The following SIPA1L3 variants were observed in gnomAD, a reference collection of about 807,000 sequenced individuals.
SIPA1L3 encodes signal-induced proliferation-associated 1-like protein 3.
Under a neutral mutation model 150.1 loss-of-function variants are expected in SIPA1L3, and 59 were observed. The ratio of observed to expected loss-of-function variants is 0.39; its 90% CI spans 0.32 to 0.49. SIPA1L3 has a LOEUF of 0.49. Among genes scored for constraint, SIPA1L3 ranks in the 20% least tolerant of loss-of-function variants. SIPA1L3 has a pLI of 0.86. For missense variants in SIPA1L3, 2,211 were observed against 2,489.5 expected (o/e 0.89, Z 2.38); for synonymous variants, 1,070 against 1,077.6 (o/e 0.99, Z 0.14).
At position 38,026,600 on chromosome 19, in the gene SIPA1L3, T is replaced by C. The variant is rs530981432; in HGVS notation, c.-378-2489T>C. 7.9e-5 allele frequency among the ~76,000 whole-genome samples: 12 copies of C among 152,294 alleles called. No individual in the cohort carries two copies. In the South Asian group the frequency reaches 2.5e-3, roughly 32 times the overall value. Reference sequence around the variant, plus strand: ...AACCGACGCCTGGAACCCCTTCCCATACTAACTTCACGAAGCTGAATCTGC... The same window carrying C: ...AACCGACGCCTGGAACCCCTTCCCACACTAACTTCACGAAGCTGAATCTGC... On this transcript the variant is annotated intron_variant, in intron 1 of 21. Transcript: ENST00000222345.
intron 10 of SIPA1L3, among the ~76,000 whole-genome samples, chr19:38,135,667 C>T (rs1039917475): frequency 5.3e-5 from 8 of 152,176 alleles, no homozygotes; most frequent in Non-Finnish European, 8.8e-5. Context: ...CTTCTCCCTG[C>T]CCTTTTCAGG....
At chr19:38,106,849 G>T (rs1970633883) in intron 7 of SIPA1L3, among the ~76,000 whole-genome samples, 1 of 152,228 alleles carries the variant, frequency 6.6e-6, no homozygotes, top group African/African-American at 2.4e-5. Context: ...TGCTTCTTGG[G>T]CGCCCTGCCC....
intron 18 of SIPA1L3, among the ~76,000 whole-genome samples, chr19:38,197,956 C>T (rs73627689): frequency 0.038 from 5,725 of 150,932 alleles, 390 homozygotes; most frequent in African/African-American, 0.13. Context: ...ACAGTCGTCA[C>T]TGGGACCCAC....
intron 12 of SIPA1L3, among the ~76,000 whole-genome samples, chr19:38,143,955 C>T (rs1208415020): frequency 6.6e-6 from 1 of 152,170 alleles, no homozygotes; most frequent in Non-Finnish European, 1.5e-5. Flanking sequence ...CTGCGAGTCT[C>T]GTGCAGTGCC....
chr19:38,081,068 A>G (rs1969966574), intron 2 of SIPA1L3, among the ~76,000 whole-genome samples, 188 bp from the exon 3 acceptor site: 1 of 151,986 alleles, frequency 6.6e-6, no homozygotes, highest in African/African-American at 2.4e-5. Flanking sequence ...TGGGAATGGA[A>G]AATAGTTAGT....
At chr19:38,005,589 T>A (rs1967921672) in intron 1 of SIPA1L3, among the ~76,000 whole-genome samples, 1 of 152,124 alleles carries the variant, frequency 6.6e-6, no homozygotes, top group Admixed American at 6.5e-5. Context: ...CCTGAGCTAC[T>A]CATCTGACCT....
At chr19:38,000,910 A>ATAT (rs370268710) in intron 1 of SIPA1L3, among the ~76,000 whole-genome samples, 2 of 79,192 alleles carry the variant, frequency 2.5e-5, no homozygotes, top group Admixed American at 1.1e-4. Flanking sequence ...ATATATATAT[A>ATAT]ACATATATAT....
At chr19:37,947,446 G>A (rs955821555) in intron 1 of SIPA1L3, among the ~76,000 whole-genome samples, 4 of 150,114 alleles carry the variant, frequency 2.7e-5, no homozygotes, top group Non-Finnish European at 4.4e-5. Flanking sequence ...CCAAGATTGC[G>A]CCTCTGCACT....
At chr19:37,923,942 T>G (rs754788861) in intron 1 of SIPA1L3, among the ~76,000 whole-genome samples, 21 of 152,028 alleles carry the variant, frequency 1.4e-4, no homozygotes, top group Non-Finnish European at 2.9e-4. Flanking sequence ...GTTGTTGTTG[T>G]TTTTGTATTT....
intron 9 of SIPA1L3, among the ~76,000 whole-genome samples, chr19:38,125,224 T>G (rs574655371): frequency 2.9e-4 from 44 of 152,172 alleles, no homozygotes; most frequent in African/African-American, 8.4e-4. Context: ...TTAATAGAGA[T>G]AGGGTTTCGC....
chr19:38,062,621 A>ATTT (rs11392353), intron 2 of SIPA1L3, among the ~76,000 whole-genome samples: 12 of 132,276 alleles, frequency 9.1e-5, no homozygotes, highest in Non-Finnish European at 1.8e-4. Flanking sequence ...TATTATTATT[A>ATTT]TTTTTTTTTT....
At chr19:37,939,359 C>G (rs2046630779) in intron 1 of SIPA1L3, among the ~76,000 whole-genome samples, 1 of 147,872 alleles carries the variant, frequency 6.8e-6, no homozygotes, top group African/African-American at 2.5e-5. Flanking sequence ...CGAGATTGCA[C>G]CATGCACTCC....
At chr19:37,927,013 T>A (rs2046509695) in intron 1 of SIPA1L3, among the ~76,000 whole-genome samples, 1 of 151,740 alleles carries the variant, frequency 6.6e-6, no homozygotes, top group South Asian at 2.1e-4. Flanking sequence ...TGGCATGATT[T>A]TTTTTTTTTT....
intron 1 of SIPA1L3, among the ~76,000 whole-genome samples, chr19:38,000,136 A>ATATCC (rs67965535): frequency 0.37 from 56,061 of 151,502 alleles, 10,657 homozygotes; most frequent in South Asian, 0.47. Context: ...CAGTATTATC[A>ATATCC]TATCCTGTTG....
rs56146390 is a variant in SIPA1L3, at chr19:38,136,183, C to CAAAAAAAAAAAA, written c.3144-4989_3144-4978dup. Among the ~76,000 whole-genome samples the CAAAAAAAAAAAA allele has an allele frequency of 4.8e-4, 21 of 44,106 alleles. 2 individuals carry two copies. The highest frequency in any genetic ancestry group is 8.2e-4 in the East Asian group (1 of 1,222). 28.9% of individuals were successfully genotyped at this position (44,106 alleles called of 152,430 possible). On this transcript the variant is annotated intron_variant, in intron 10 of 21. Transcript: ENST00000222345. ...CCTGGGCAAGAGAGTGAGACTGTCTCAAAAAAAAAAAAAAAAAAAAAAAGA... is the reference window on the plus strand; with the variant it reads ...CCTGGGCAAGAGAGTGAGACTGTCTCAAAAAAAAAAAAAAAAAAAAAAAAAAAAAAAAAAAGA...
chr19:38,196,097 G>A (rs1972923898), intron 18 of SIPA1L3, among the ~76,000 whole-genome samples: 1 of 152,124 alleles, frequency 6.6e-6, no homozygotes. Context: ...TCCATTTCTT[G>A]TGTGCCTGCT....
At chr19:38,095,093 A>G (rs1423840168) in intron 4 of SIPA1L3, among the ~76,000 whole-genome samples, 2 of 152,190 alleles carry the variant, frequency 1.3e-5, no homozygotes, top group East Asian at 3.8e-4. Context: ...AAAATAAATA[A>G]AAAAGAAATA....
chr19:38,110,042 G>A (rs1419157857), intron 7 of SIPA1L3, 185 bp from the exon 8 acceptor site: 2 of 612,440 alleles, frequency 3.3e-6, no homozygotes, highest in South Asian at 2.0e-5. Context: ...TGAGGCCTTT[G>A]TCCTTTATCC....
chr19:38,197,858 C>T (rs988688210), intron 18 of SIPA1L3, among the ~76,000 whole-genome samples: 29 of 149,820 alleles, frequency 1.9e-4, no homozygotes, highest in African/African-American at 7.3e-4. Context: ...TACCTGCTCC[C>T]TGTCTCCCCC....
Sources: allele counts gnomAD v4.1 joint callset (sites outside exome capture counted in the v4.1 genomes callset), GRCh38; gene constraint gnomAD v4.1.1; transcripts MANE v1.5; gene names NCBI Gene and HGNC (gene_info 2026-07-23, HGNC 2026-07-21).